Variants in RPF2 observed in about 807,000 individuals in gnomAD.
The protein encoded by RPF2 is ribosome production factor 2 homolog, also known as brix domain containing 1.
RPF2 carries 21 observed loss-of-function variants against 38.9 expected under a neutral mutation model. That is an observed-to-expected ratio of 0.54 (90% CI 0.38 to 0.78). The LOEUF (loss-of-function observed/expected upper bound fraction) is 0.78. RPF2 is among the 30% of genes least tolerant of loss of function. RPF2 has a pLI of 0.00. For missense variants in RPF2, 314 were observed against 358.1 expected, an observed-to-expected ratio of 0.88 and a Z score of 0.99; for synonymous variants, 121 against 126.2, an observed-to-expected ratio of 0.96 and a Z score of 0.28.
At chr6:110,992,380 A>G (rs1394125881) in intron 4 of RPF2, among the ~76,000 whole-genome samples, 1 of 152,094 alleles carries the variant, frequency 6.6e-6, no homozygotes, top group Non-Finnish European at 1.5e-5. Context: ...GAAGTTTGTT[A>G]TAGATCTATT....
At chr6:111,004,969 A>G (rs1009779928) in intron 6 of RPF2, among the ~76,000 whole-genome samples, 1 of 151,384 alleles carries the variant, frequency 6.6e-6, no homozygotes, top group Non-Finnish European at 1.5e-5. Flanking sequence ...TGTGGTCAGG[A>G]TGGTTTGAAA....
rs1173713770 is a variant in RPF2 at position 110,991,929 on chromosome 6, ATAC to A, written c.234+145_234+147del. 7 of 342,992 alleles carry A rather than the reference ATAC, an allele frequency of 2.0e-5. No individual in the cohort carries two copies. In the South Asian group the frequency reaches 5.6e-4, roughly 28 times the overall value. 21.2% of individuals were successfully genotyped at this position (342,992 alleles called of 1,614,324 possible). A position where few individuals can be genotyped will look rare whatever the true frequency, so the allele number is the denominator to read the frequency against. On this transcript the variant is annotated intron_variant, in intron 4 of 9. Coordinates refer to ENST00000441448, the MANE Select transcript of RPF2 (RefSeq NM_032194.3). ...GAATTTTGTGTAAAATGGAGAGGAAATACTTTAAAAAATATCTATAGAGCTTTC... is the reference window on the plus strand; with the variant it reads ...GAATTTTGTGTAAAATGGAGAGGAAATTTAAAAAATATCTATAGAGCTTTC...
intron 5 of RPF2, among the ~76,000 whole-genome samples, chr6:110,999,322 A>G (rs886864637): frequency 4.6e-5 from 7 of 151,588 alleles, no homozygotes; most frequent in Non-Finnish European, 8.8e-5. Flanking sequence ...TCAATATTAG[A>G]AAAAAAAATG....
At chr6:111,023,190 C>A (rs180965033) in intron 8 of RPF2, among the ~76,000 whole-genome samples, 11 of 152,322 alleles carry the variant, frequency 7.2e-5, no homozygotes, top group Non-Finnish European at 1.3e-4. Flanking sequence ...TGAGCCACCA[C>A]GCCTGGCTGC....
At chr6:111,000,491 T>C (rs578171763) in intron 6 of RPF2, among the ~76,000 whole-genome samples, 2 of 152,210 alleles carry the variant, frequency 1.3e-5, no homozygotes, top group African/African-American at 4.8e-5. Context: ...GCTGATTCTA[T>C]AGTATGTTGG....
chr6:110,999,096 G>C (rs572490147), intron 5 of RPF2, among the ~76,000 whole-genome samples: 2 of 152,078 alleles, frequency 1.3e-5, no homozygotes, highest in South Asian at 2.1e-4. Flanking sequence ...TTTTCCTTCT[G>C]TCTCTGTCGG....
chr6:110,997,065 T>G (rs1219613605), intron 4 of RPF2, 118 bp from the exon 5 acceptor site: 6 of 666,022 alleles, frequency 9.0e-6, no homozygotes, highest in Non-Finnish European at 1.6e-5. Context: ...GCGTCCCAAG[T>G]GCTGGGATTA....
At chr6:110,994,185 G>A (rs1771667465) in intron 4 of RPF2, among the ~76,000 whole-genome samples, 1 of 151,756 alleles carries the variant, frequency 6.6e-6, no homozygotes, top group Non-Finnish European at 1.5e-5. Flanking sequence ...TGAGGCAGGA[G>A]AATCACTTGA....
intron 6 of RPF2, among the ~76,000 whole-genome samples, chr6:111,002,481 G>A (rs547546706): frequency 6.6e-6 from 1 of 152,074 alleles, no homozygotes; most frequent in Admixed American, 6.6e-5. Flanking sequence ...AGGACTGCAG[G>A]TGTGTGCCAC....
intron 1 of RPF2, among the ~76,000 whole-genome samples, chr6:110,983,921 C>T (rs577511188): frequency 2.6e-5 from 4 of 151,734 alleles, no homozygotes; most frequent in South Asian, 2.1e-4. Context: ...CCCAGCTACT[C>T]GGGAGGCTGA....
Position 110,991,785 on chromosome 6 carries a change from TG to T in RPF2, c.234+1del. 1 of 1,186,732 alleles carries T rather than the reference TG, an allele frequency of 8.4e-7. No individual in the cohort carries two copies. The allele number at this position is 1,186,732 out of a possible 1,614,324, so 73.5% of individuals were successfully genotyped here. ...ITRPFEDQTS[L>X]EFFSKKSDCS... The stretch of plus-strand genomic sequence containing the variant: ...AGACCTTTTGAGGATCAGACATCAC[TG>T]GTAAGTATAATAATCTTTATGATTT... On this transcript the variant is annotated frameshift_variant and splice_region_variant, in exon 4 of 10. Coordinates refer to ENST00000441448, the MANE Select transcript of RPF2 (RefSeq NM_032194.3). LOFTEE classifies it high-confidence loss of function.
intron 8 of RPF2, among the ~76,000 whole-genome samples, chr6:111,018,634 C>A (rs566834563): frequency 7.1e-4 from 108 of 152,216 alleles, no homozygotes; most frequent in Middle Eastern, 3.4e-3. Context: ...TGTATTAAAT[C>A]AGAGACATTT....
chr6:110,998,735 C>G (rs1236922061), intron 5 of RPF2, among the ~76,000 whole-genome samples: 1 of 152,064 alleles, frequency 6.6e-6, no homozygotes, highest in Non-Finnish European at 1.5e-5. Flanking sequence ...GACAGTCAGG[C>G]AGCTGTTTAA....
intron 6 of RPF2, among the ~76,000 whole-genome samples, chr6:111,003,389 C>T (rs945320514): frequency 2.6e-5 from 4 of 152,040 alleles, no homozygotes; most frequent in Non-Finnish European, 5.9e-5. Context: ...CTACCTGGTT[C>T]AAGCAATTCT....
intron 7 of RPF2, among the ~76,000 whole-genome samples, chr6:111,011,232 A>G (rs372389335): frequency 6.6e-6 from 1 of 151,482 alleles, no homozygotes; most frequent in East Asian, 1.9e-4. Flanking sequence ...AATGACTAAT[A>G]TTTCCTTCTC....
intron 6 of RPF2, among the ~76,000 whole-genome samples, chr6:111,007,123 T>C (rs6933934): frequency 0.13 from 19,614 of 152,184 alleles, 1,750 homozygotes; most frequent in East Asian, 0.5. Flanking sequence ...CCTCAAGCTG[T>C]CTTCCTGCTT....
chr6:111,017,287 C>T (rs1478151429), intron 8 of RPF2, among the ~76,000 whole-genome samples: 6 of 150,078 alleles, frequency 4.0e-5, no homozygotes, highest in South Asian at 2.1e-4. Context: ...ACCTCCCGGA[C>T]GGGGCGGCGG....
At chr6:111,017,310 G>A (rs192980707) in intron 8 of RPF2, among the ~76,000 whole-genome samples, 23,512 of 149,064 alleles carry the variant, frequency 0.16, 2,319 homozygotes, top group East Asian at 0.51. Flanking sequence ...GGGCGGAGGC[G>A]CCCCCACCTC....
chr6:110,993,231 C>T lies in RPF2; in HGVS notation c.234+1445C>T, dbSNP rs182398623. Among the ~76,000 whole-genome samples the T allele has an allele frequency of 3.3e-3, 509 of 152,058 alleles. 1 individual carries two copies. The highest frequency in any genetic ancestry group is 5.8e-3 in the Non-Finnish European group (391 of 67,988). ...AAGTACTGGGATTATGGGTGTAAGCCGTCACACCCAACCAGGAACCCATTA... is the reference window on the plus strand; with the variant it reads ...AAGTACTGGGATTATGGGTGTAAGCTGTCACACCCAACCAGGAACCCATTA... On this transcript the variant is annotated intron_variant, in intron 4 of 9. Transcript: ENST00000441448.
Sources: allele counts gnomAD v4.1 joint callset (sites outside exome capture counted in the v4.1 genomes callset), GRCh38; gene constraint gnomAD v4.1.1; transcripts MANE v1.5; gene names NCBI Gene and HGNC (gene_info 2026-07-23, HGNC 2026-07-21).